Variants in AGTPBP1 observed in about 807,000 individuals in gnomAD.
AGTPBP1 encodes the protein cytosolic carboxypeptidase 1.
AGTPBP1 carries 70 observed loss-of-function variants against 143.9 expected under a neutral mutation model. The observed-to-expected ratio is 0.49, with a 90% CI of 0.40 to 0.59. The LOEUF is 0.59. Among genes scored for constraint, AGTPBP1 ranks in the 20% least tolerant of loss-of-function variants. The pLI, the probability that AGTPBP1 is intolerant of heterozygous loss-of-function variation, is 0.00. For synonymous variants in AGTPBP1, 463 were observed against 500.2 expected (o/e 0.93, Z 0.99); for missense variants, 1,229 against 1,464.5 (o/e 0.84, Z 2.62).
intron 17 of AGTPBP1, among the ~76,000 whole-genome samples, chr9:85,601,901 A>T (rs1013340491): frequency 6.6e-6 from 1 of 152,200 alleles, no homozygotes; most frequent in Non-Finnish European, 1.5e-5. Context: ...ACCCTAAGCC[A>T]GTGAAGAAAT....
intron 25 of AGTPBP1, among the ~76,000 whole-genome samples, chr9:85,562,052 G>T (rs1042779193): frequency 1.3e-5 from 2 of 151,890 alleles, no homozygotes; most frequent in African/African-American, 4.8e-5. Context: ...GGATGCTCTT[G>T]AACTCCTCAC....
the AGTPBP1 span, among the ~76,000 whole-genome samples, chr9:85,762,660 T>C: frequency 1.3e-5 from 2 of 150,762 alleles, no homozygotes; most frequent in Non-Finnish European, 3.0e-5. Context: ...TTAGGAGATA[T>C]ACCTAATGTA....
chr9:85,770,805 A>T, the AGTPBP1 span, among the ~76,000 whole-genome samples: 4 of 151,936 alleles, frequency 2.6e-5, no homozygotes, highest in Non-Finnish European at 5.9e-5. Context: ...TGTTTTCTAG[A>T]TTTGGATGTT....
the AGTPBP1 span, among the ~76,000 whole-genome samples, chr9:85,752,466 A>AATTT: frequency 6.6e-6 from 1 of 152,208 alleles, no homozygotes; most frequent in Admixed American, 6.5e-5. Flanking sequence ...GGCAGAAGAG[A>AATTT]ATAACCCACT....
At chr9:85,549,354 A>G (rs1038497697) in intron 25 of AGTPBP1, among the ~76,000 whole-genome samples, 6 of 152,156 alleles carry the variant, frequency 3.9e-5, no homozygotes, top group African/African-American at 1.4e-4. Context: ...CACAAAATCC[A>G]TGTGTTGGGT....
chr9:85,600,482 C>T (rs1271275268), intron 17 of AGTPBP1, among the ~76,000 whole-genome samples: 1 of 152,112 alleles, frequency 6.6e-6, no homozygotes, highest in Non-Finnish European at 1.5e-5. Context: ...AGACAGAACA[C>T]TGAAACTCAA....
Position 85,608,124 on chromosome 9 carries a change from T to C in AGTPBP1, c.2335+10859A>G, listed in dbSNP as rs542763509. ...TAACAAACTTTAAATTGTTTATAAA[T>C]AGTAAAATGAGCAAAGATATAGAGG... On this transcript the variant is annotated intron_variant, in intron 17 of 25. Transcript: ENST00000357081. Among the ~76,000 whole-genome samples the C allele has an allele frequency of 6.6e-5, 10 of 152,148 alleles. No homozygotes were observed. The South Asian group carries it at 2.1e-3, about 32-fold the overall frequency.
At chr9:85,773,527 G>T in the AGTPBP1 span, among the ~76,000 whole-genome samples, 1 of 151,032 alleles carries the variant, frequency 6.6e-6, no homozygotes, top group African/African-American at 2.4e-5. Flanking sequence ...TAGTAGAGAC[G>T]GGGTTTTACT....
the AGTPBP1 span, among the ~76,000 whole-genome samples, chr9:85,769,081 T>A: frequency 1.3e-5 from 2 of 151,500 alleles, no homozygotes; most frequent in African/African-American, 4.9e-5. Context: ...AATATTCACA[T>A]TATTTTCCTT....
At chr9:85,550,689 T>C (rs756279669) in intron 25 of AGTPBP1, among the ~76,000 whole-genome samples, 4 of 152,144 alleles carry the variant, frequency 2.6e-5, no homozygotes, top group African/African-American at 4.8e-5. Context: ...ACCTCAAATG[T>C]AGCATCTGGA....
chr9:85,678,236 C>A, intron 5 of AGTPBP1, 99 bp downstream of exon 5: 2 of 708,016 alleles, frequency 2.8e-6, no homozygotes, highest in Middle Eastern at 2.9e-4. Context: ...CTCAGAATAG[C>A]CTCTATAAGA....
At chr9:85,717,081 A>C (rs1837751598) in intron 1 of AGTPBP1, among the ~76,000 whole-genome samples, 1 of 152,208 alleles carries the variant, frequency 6.6e-6, no homozygotes, top group South Asian at 2.1e-4. Context: ...TTTTCAATAC[A>C]ACCCATCCCA....
chr9:85,704,962 GA>G (rs1836888195), intron 2 of AGTPBP1, among the ~76,000 whole-genome samples: 1 of 151,952 alleles, frequency 6.6e-6, no homozygotes, highest in Non-Finnish European at 1.5e-5. Flanking sequence ...AAAAAAAGAT[GA>G]GTGAACTTGA....
chr9:85,551,823 G>A (rs1410523126), intron 25 of AGTPBP1, among the ~76,000 whole-genome samples: 1 of 152,026 alleles, frequency 6.6e-6, no homozygotes, highest in Non-Finnish European at 1.5e-5. Flanking sequence ...AAGGTCACTT[G>A]CCCTATGTTT....
At chr9:85,579,223 T>A in intron 23 of AGTPBP1, 127 bp from the exon 24 acceptor site, 1 of 885,014 alleles carries the variant, frequency 1.1e-6, no homozygotes, top group Non-Finnish European at 1.6e-6. Flanking sequence ...CTATTATATA[T>A]CCCTTGCCAT....
At chr9:85,724,995 C>T (rs1174067064) in intron 1 of AGTPBP1, among the ~76,000 whole-genome samples, 1 of 152,190 alleles carries the variant, frequency 6.6e-6, no homozygotes, top group African/African-American at 2.4e-5. Context: ...TTTCCCTCTA[C>T]CGTGCCTTCC....
chr9:85,729,100 A>G (rs759929203), intron 1 of AGTPBP1, among the ~76,000 whole-genome samples: 1 of 152,228 alleles, frequency 6.6e-6, no homozygotes, highest in Admixed American at 6.5e-5. Flanking sequence ...ATAAACTCAT[A>G]TATCTATGGC....
chr9:85,568,567 T>C (rs1196137045), intron 25 of AGTPBP1, among the ~76,000 whole-genome samples: 1 of 152,064 alleles, frequency 6.6e-6, no homozygotes, highest in African/African-American at 2.4e-5. Flanking sequence ...ACACCGATAA[T>C]GGTTTCTAAG....
intron 25 of AGTPBP1, among the ~76,000 whole-genome samples, chr9:85,551,126 T>G: frequency 6.6e-6 from 1 of 151,850 alleles, no homozygotes; most frequent in East Asian, 1.9e-4. Flanking sequence ...CCTGAGACCT[T>G]CCCAAAAGCC....
Sources: allele counts gnomAD v4.1 joint callset (sites outside exome capture counted in the v4.1 genomes callset), GRCh38; gene constraint gnomAD v4.1.1; transcripts MANE v1.5; gene names NCBI Gene and HGNC (gene_info 2026-07-23, HGNC 2026-07-21).